Variants in PTPRN2 observed in about 807,000 individuals in gnomAD.
The protein encoded by PTPRN2 is receptor-type tyrosine-protein phosphatase N2.
Under a neutral mutation model 118.8 loss-of-function variants are expected in PTPRN2, and 74 were observed. The observed-to-expected ratio is 0.62, with a 90% CI of 0.52 to 0.76. PTPRN2 has a LOEUF of 0.76. Ranked by LOEUF, PTPRN2 falls within the 30% of genes least tolerant of loss-of-function variation. The pLI is 0.00. For missense variants in PTPRN2, 1,481 were observed against 1,394.4 expected (o/e 1.06, Z -0.99); for synonymous variants, 641 against 608.0 (o/e 1.05, Z -0.80).
At chr7:157,935,068 A>G (rs1799616784) in intron 11 of PTPRN2, among the ~76,000 whole-genome samples, 1 of 152,154 alleles carries the variant, frequency 6.6e-6, no homozygotes, top group African/African-American at 2.4e-5. Flanking sequence ...CTCTCCTCCC[A>G]GCTGTTAAGA....
In PTPRN2 at chr7:157,868,058, A is replaced by G. The variant is rs181234215; in HGVS notation, c.1788+30615T>C. On this transcript the variant is annotated intron_variant, in intron 12 of 22. Coordinates refer to ENST00000389418, the MANE Select transcript of PTPRN2 (RefSeq NM_002847.5). This position sits in a 1 kb window ranked among gnomAD's most constrained non-coding sequence, Gnocchi z 5.2. ...GGTAGGATCACCTGAGTCCTCTAGG[A>G]ACCCAGCCCGCATCCTGGGCAAGAG... Among the ~76,000 whole-genome samples the G allele has an allele frequency of 4.5e-4, 68 of 152,336 alleles. No individual in the cohort carries two copies. The highest frequency in any genetic ancestry group is 7.9e-4 in the Non-Finnish European group (54 of 68,030).
At chr7:157,733,156 G>T (rs369173495) in intron 12 of PTPRN2, among the ~76,000 whole-genome samples, 22 of 20,048 alleles carry the variant, frequency 1.1e-3, no homozygotes, top group East Asian at 2.2e-3. Context: ...TCCCGTCCCA[G>T]GCGCCCAGCA....
At chr7:157,715,186 G>A (rs1462232266) in intron 12 of PTPRN2, among the ~76,000 whole-genome samples, 2 of 152,198 alleles carry the variant, frequency 1.3e-5, no homozygotes, top group African/African-American at 4.8e-5. Flanking sequence ...CAGGGTGGGA[G>A]AGAAATACCG....
chr7:158,513,409 G>C (rs981312491), intron 1 of PTPRN2, among the ~76,000 whole-genome samples: 1 of 152,202 alleles, frequency 6.6e-6, no homozygotes, highest in Non-Finnish European at 1.5e-5. Context: ...TCCTGGGACA[G>C]AGAAACTTCA....
intron 3 of PTPRN2, among the ~76,000 whole-genome samples, chr7:158,301,856 G>A (rs1342763377): frequency 6.6e-6 from 1 of 152,148 alleles, no homozygotes; most frequent in Non-Finnish European, 1.5e-5. Flanking sequence ...AGGCTGAGGT[G>A]GGAGGATCAC....
At chr7:158,106,403 C>T (rs548845075) in intron 10 of PTPRN2, among the ~76,000 whole-genome samples, 3 of 152,314 alleles carry the variant, frequency 2.0e-5, no homozygotes, top group African/African-American at 4.8e-5. Flanking sequence ...AGCTCCAGCG[C>T]AGTTTCCTCC....
At chr7:158,293,070 AAAG>A (rs567889058) in intron 3 of PTPRN2, among the ~76,000 whole-genome samples, 136 of 152,108 alleles carry the variant, frequency 8.9e-4, no homozygotes, top group Non-Finnish European at 1.4e-3. Flanking sequence ...TCAGTCTAAA[AAAG>A]AAGATTAAAA....
chr7:158,233,156 G>C (rs1041971550), intron 3 of PTPRN2, among the ~76,000 whole-genome samples: 1 of 152,122 alleles, frequency 6.6e-6, no homozygotes, highest in African/African-American at 2.4e-5. Context: ...CAGACATCAT[G>C]ATCTTATCAT....
chr7:157,672,978 T>C (rs1273741570), intron 13 of PTPRN2, among the ~76,000 whole-genome samples: 1 of 152,234 alleles, frequency 6.6e-6, no homozygotes, highest in Admixed American at 6.5e-5. Context: ...TTAAAAAATC[T>C]TGAAAGGGTG....
intron 12 of PTPRN2, among the ~76,000 whole-genome samples, chr7:157,689,088 G>C (rs10280711): frequency 0.8 from 121,432 of 152,212 alleles, 49,202 homozygotes; most frequent in Non-Finnish European, 0.88. Flanking sequence ...GCCCCCGGGC[G>C]GCGCAGCCGC....
intron 1 of PTPRN2, among the ~76,000 whole-genome samples, chr7:158,515,531 A>G (rs1480612656): frequency 4.6e-5 from 7 of 152,128 alleles, no homozygotes; most frequent in Non-Finnish European, 1.0e-4. Flanking sequence ...CATCAGGAAG[A>G]ACTTTACAGA....
chr7:157,824,397 G>A (rs994000386), intron 12 of PTPRN2, among the ~76,000 whole-genome samples: 1 of 152,210 alleles, frequency 6.6e-6, no homozygotes, highest in Non-Finnish European at 1.5e-5. Context: ...TTAAGGATGG[G>A]AGGCCTCTGT....
intron 3 of PTPRN2, among the ~76,000 whole-genome samples, chr7:158,312,671 C>CTGCACACATGCA (rs1187920782): frequency 1.4e-5 from 2 of 140,596 alleles, no homozygotes; most frequent in African/African-American, 5.4e-5. Flanking sequence ...GTGTGCCTGC[C>CTGCACACATGCA]TGCACACATG....
rs1285993837 is a variant in PTPRN2, at chr7:158,340,672, C to A, written c.164-23740G>T. ...TGACGCCCGCAGACGTCACTCACAC[C>A]CACACTCTCACCATAAGAGGTGAAA... On this transcript the variant is annotated intron_variant, in intron 2 of 22. Transcript: ENST00000389418. Among the ~76,000 whole-genome samples, 45 of 97,116 alleles carry A rather than the reference C, an allele frequency of 4.6e-4. 3 individuals carry two copies. Among genetic ancestry groups the A allele is most frequent in the Admixed American group, 9.0e-4 (9 of 9,952 alleles). The allele number at this position is 97,116 out of a possible 152,430, so 63.7% of individuals were successfully genotyped here. A position where few individuals can be genotyped will look rare whatever the true frequency, so the allele number is the denominator to read the frequency against.
At chr7:158,332,336 C>G (rs1488859262) in intron 2 of PTPRN2, among the ~76,000 whole-genome samples, 2 of 46,806 alleles carry the variant, frequency 4.3e-5, no homozygotes, top group Admixed American at 3.1e-4. Flanking sequence ...GAGCTGAGGC[C>G]CACAGAGGAC....
At chr7:158,442,298 T>G (rs1817406064) in intron 2 of PTPRN2, among the ~76,000 whole-genome samples, 1 of 152,084 alleles carries the variant, frequency 6.6e-6, no homozygotes, top group Non-Finnish European at 1.5e-5. Flanking sequence ...CATCATACAA[T>G]GTGTAAAGAA....
chr7:157,555,045 G>A (rs1798813752), intron 21 of PTPRN2, among the ~76,000 whole-genome samples: 1 of 149,100 alleles, frequency 6.7e-6, no homozygotes. Flanking sequence ...GCACCCTCGT[G>A]CCTGGGACAC....
chr7:158,567,359 G>A (rs568967300), intron 1 of PTPRN2, among the ~76,000 whole-genome samples: 2 of 152,190 alleles, frequency 1.3e-5, no homozygotes, highest in Admixed American at 6.5e-5. Flanking sequence ...CAGGCCTGAC[G>A]AGGCCAGCCG....
chr7:157,931,729 A>G (rs1025755996), intron 11 of PTPRN2, among the ~76,000 whole-genome samples: 2 of 152,066 alleles, frequency 1.3e-5, no homozygotes, highest in African/African-American at 4.8e-5. Flanking sequence ...TTGGTAAGCT[A>G]AATTGAATAA....
Sources: gnomAD v4.1 joint callset for allele counts (sites outside exome capture counted in the v4.1 genomes callset) on GRCh38, gnomAD v4.1.1 for gene constraint, Gnocchi (gnomAD v3.1) non-coding constraint, MANE v1.5 for transcripts, NCBI Gene and HGNC (gene_info 2026-07-23, HGNC 2026-07-21) for gene names.